LRRC9: variants seen among roughly 807,000 people sequenced by gnomAD.
The protein encoded by LRRC9 is leucine-rich repeat-containing protein 9.
A neutral mutation model predicts 63.2 loss-of-function variants in LRRC9; 122 were observed. The ratio of observed to expected loss-of-function variants is 1.93; its 90% CI spans 1.67 to 2.24. The LOEUF (loss-of-function observed/expected upper bound fraction) is 2.24. LRRC9 is among the 30% of genes most tolerant of loss of function. The probability of loss-of-function intolerance (pLI) is 0.00; values close to 1 mark genes in which losing one functional copy is unlikely to be tolerated. For missense variants in LRRC9, 1,071 were observed against 627.7 expected (o/e 1.71, Z -7.55); for synonymous variants, 366 against 213.1 (o/e 1.72, Z -6.25).
chr14:59,929,155 A>C (rs1180568223), intron 3 of LRRC9, among the ~76,000 whole-genome samples: 1 of 152,056 alleles, frequency 6.6e-6, no homozygotes, highest in Non-Finnish European at 1.5e-5. Flanking sequence ...ATGGGAGAAA[A>C]TTTTTGCAAA....
In LRRC9 at chr14:59,927,232, C is replaced by T. The variant is rs913406355; in HGVS notation, c.-33-679C>T. 5.9e-5 allele frequency among the ~76,000 whole-genome samples: 9 copies of T among 152,028 alleles called. No homozygotes were observed. Among genetic ancestry groups the T allele is most frequent in the African/African-American group, 2.2e-4 (9 of 41,496 alleles). On this transcript the variant is annotated intron_variant, in intron 1 of 31. Coordinates refer to ENST00000445360, the Ensembl canonical transcript of LRRC9. The surrounding 1 kb of genome is among the most constrained non-coding windows in gnomAD (Gnocchi z 4.4). ...ATACTGTATACCATTTTCTAAATCT[C>T]GCTTTGTCAGTTCATTATATTAAAG...
At chr14:59,965,024 C>T (rs1419656003) in intron 10 of LRRC9, among the ~76,000 whole-genome samples, 2 of 152,176 alleles carry the variant, frequency 1.3e-5, no homozygotes, top group Non-Finnish European at 2.9e-5. Context: ...GACCTTAGCT[C>T]ACACCCATTT....
chr14:60,029,065 T>C (rs774034684), intron 28 of LRRC9, among the ~76,000 whole-genome samples: 2 of 152,094 alleles, frequency 1.3e-5, no homozygotes, highest in Non-Finnish European at 2.9e-5. Flanking sequence ...GATTCAAACA[T>C]TCATCTGAGA....
chr14:60,047,031 G>A (rs1416813798), intron 29 of LRRC9, among the ~76,000 whole-genome samples: 1 of 152,074 alleles, frequency 6.6e-6, no homozygotes, highest in Non-Finnish European at 1.5e-5. Context: ...TTGTGATTGG[G>A]AGTTCCATTC....
rs1389319788 is a variant in LRRC9, at chr14:60,058,998, A to T, written c.4276+976A>T. The T allele has an allele frequency of 6.6e-6, 1 of 152,162 alleles. No homozygotes were observed. Among genetic ancestry groups the T allele is most frequent in the Non-Finnish European group, 1.5e-5 (1 of 68,016 alleles). 9.4% of individuals were successfully genotyped at this position (152,162 alleles called of 1,614,324 possible). A position where few individuals can be genotyped will look rare whatever the true frequency, so the allele number is the denominator to read the frequency against. ...AAATTGGGCATACCAAATTGTTATT[A>T]CCTCCTTAACAGAACAAAGTCATCT... On this transcript the variant is annotated intron_variant, in intron 31 of 31. Transcript: ENST00000445360. This position sits in a 1 kb window ranked among gnomAD's most constrained non-coding sequence, Gnocchi z 4.4.
chr14:59,972,385 T>C (rs1252891599), intron 12 of LRRC9, among the ~76,000 whole-genome samples: 1 of 152,164 alleles, frequency 6.6e-6, no homozygotes, highest in Non-Finnish European at 1.5e-5. Flanking sequence ...CATTCATGTG[T>C]CAATCTTCTG....
At chr14:60,036,067 G>T (rs1488317822) in intron 29 of LRRC9, among the ~76,000 whole-genome samples, 3 of 152,080 alleles carry the variant, frequency 2.0e-5, no homozygotes, top group Non-Finnish European at 4.4e-5. Flanking sequence ...TGGCTCTGGT[G>T]GGAAGGGTTG....
intron 17 of LRRC9, among the ~76,000 whole-genome samples, chr14:59,996,523 T>A (rs1437703456): frequency 1.3e-5 from 2 of 152,084 alleles, no homozygotes; most frequent in African/African-American, 4.8e-5. Context: ...TCTTAGAGAT[T>A]TTTTACAAAC....
intron 16 of LRRC9, 22 bp from the exon 17 acceptor site, chr14:59,985,083 T>A: frequency 3.2e-6 from 2 of 631,148 alleles, no homozygotes; most frequent in Non-Finnish European, 5.8e-6. Context: ...TATTTTTTAA[T>A]GTATATTTTA....
intron 16 of LRRC9, among the ~76,000 whole-genome samples, chr14:59,983,608 T>C (rs938286203): frequency 1.3e-5 from 2 of 152,144 alleles, no homozygotes; most frequent in Admixed American, 6.6e-5. Context: ...AACATGCTTT[T>C]GAAAGATCCA....
chr14:60,056,127 T>A (rs1191343048), intron 30 of LRRC9, among the ~76,000 whole-genome samples: 1 of 152,276 alleles, frequency 6.6e-6, no homozygotes, highest in South Asian at 2.1e-4. Flanking sequence ...AATTTCACCA[T>A]CTCAAAATCC....
At chr14:59,949,656 C>T (rs1289830371) in intron 8 of LRRC9, among the ~76,000 whole-genome samples, 1 of 150,986 alleles carries the variant, frequency 6.6e-6, no homozygotes, top group Non-Finnish European at 1.5e-5. Flanking sequence ...TTTCCCTCTA[C>T]ACACTGCTTT....
intron 29 of LRRC9, among the ~76,000 whole-genome samples, chr14:60,045,277 T>C (rs1469324568): frequency 6.6e-6 from 1 of 152,156 alleles, no homozygotes; most frequent in Non-Finnish European, 1.5e-5. Flanking sequence ...ATTTCAACTT[T>C]TATTTTAAGT....
rs1887312540 is a variant in LRRC9, at chr14:59,985,017, T to G, written c.2092-88T>G. On this transcript the variant is annotated intron_variant, in intron 16 of 31. Transcript: ENST00000445360. ...TTTGTAGTATATTGGCTCAAATAAT[T>G]GTTCTAAACATTTTACATATCCACA... The G allele has an allele frequency of 6.4e-6, 3 of 465,518 alleles. No homozygotes were observed. The Admixed American group carries it at 1.1e-4, about 17-fold the overall frequency. The allele number at this position is 465,518 out of a possible 1,614,324, so 28.8% of individuals were successfully genotyped here.
Position 60,017,549 on chromosome 14 carries a change from T to C in LRRC9, c.3317+759T>C, listed in dbSNP as rs1471082295. Among the ~76,000 whole-genome samples, 3 of 152,134 alleles carry C rather than the reference T, an allele frequency of 2.0e-5. No individual in the cohort carries two copies. The highest frequency in any genetic ancestry group is 4.4e-5 in the Non-Finnish European group (3 of 68,006). ...GCTAACTCTATCACAGCAATTCTCCTCTTTATTTTTATTTTTCTGGCTCCC... is the reference window on the plus strand; with the variant it reads ...GCTAACTCTATCACAGCAATTCTCCCCTTTATTTTTATTTTTCTGGCTCCC... On this transcript the variant is annotated intron_variant, in intron 24 of 31. Coordinates refer to ENST00000445360, the Ensembl canonical transcript of LRRC9. This position sits in a 1 kb window ranked among gnomAD's most constrained non-coding sequence, Gnocchi z 4.0.
In LRRC9 at chr14:59,964,891, G is replaced by A. The variant is rs922785602; in HGVS notation, c.1212-1698G>A. Among the ~76,000 whole-genome samples the A allele has an allele frequency of 1.3e-5, 2 of 152,204 alleles. No individual in the cohort carries two copies. On this transcript the variant is annotated intron_variant, in intron 10 of 31. Transcript: ENST00000445360. The surrounding 1 kb of genome is among the most constrained non-coding windows in gnomAD (Gnocchi z 4.4). ...CTCTCCTTTCAACTCTAAGGGAGAA[G>A]TAATTTATAAGATCCTGGCTGCATT...
chr14:59,953,378 G>T (rs1883381453), intron 8 of LRRC9, among the ~76,000 whole-genome samples: 1 of 152,158 alleles, frequency 6.6e-6, no homozygotes, highest in South Asian at 2.1e-4. Context: ...GTATCTCATT[G>T]TGGTTTTGAT....
At chr14:59,921,218 C>T (rs1888745859) in intron 1 of LRRC9, among the ~76,000 whole-genome samples, 1 of 152,160 alleles carries the variant, frequency 6.6e-6, no homozygotes, top group Non-Finnish European at 1.5e-5. Flanking sequence ...TAGTTGTGGC[C>T]TGAACCTAGG....
At chr14:60,036,541 A>G (rs1282718498) in intron 29 of LRRC9, among the ~76,000 whole-genome samples, 1 of 152,162 alleles carries the variant, frequency 6.6e-6, no homozygotes. Context: ...ATGTCCTTCA[A>G]GTTGGGTTCA....
Sources: allele counts gnomAD v4.1 joint callset (sites outside exome capture counted in the v4.1 genomes callset), GRCh38; gene constraint gnomAD v4.1.1; non-coding constraint Gnocchi (gnomAD v3.1); transcripts MANE v1.5; gene names NCBI Gene and HGNC (gene_info 2026-07-23, HGNC 2026-07-21).